Variants in PCNX2 observed in about 807,000 individuals in gnomAD.
PCNX2 encodes pecanex 2.
PCNX2 carries 168 observed loss-of-function variants against 223.8 expected under a neutral mutation model. The observed-to-expected ratio is 0.75, with a 90% confidence interval of 0.66 to 0.85. The LOEUF is 0.85. Ranked by LOEUF, PCNX2 falls within the 40% of genes least tolerant of loss-of-function variation. The probability of loss-of-function intolerance (pLI) is 0.00; values close to 1 mark genes in which losing one functional copy is unlikely to be tolerated. For missense variants in PCNX2, 2,507 were observed against 2,675.5 expected (o/e 0.94, Z 1.39); for synonymous variants, 1,006 against 1,052.6 (o/e 0.96, Z 0.86).
At position 232,986,246 on chromosome 1, in the gene PCNX2, A is replaced by T; in HGVS notation, c.6086T>A (p.Leu2029Gln). The T allele has an allele frequency of 6.4e-7, 1 of 1,560,894 alleles. No homozygotes were observed. The highest frequency in any genetic ancestry group is 1.2e-5 in the South Asian group (1 of 84,694). Reference protein sequence around the residue: ...SSLGSSTSSTLSFLFGKRSFS... With the variant: ...SSLGSSTSSTQSFLFGKRSFS... Reference sequence around the variant, plus strand: ...GCTCCTCTTGCCGAAGAGGAAGCTCAGGGTGGAGCTGGTGGAGGAGCCCAG... The same window carrying T: ...GCTCCTCTTGCCGAAGAGGAAGCTCTGGGTGGAGCTGGTGGAGGAGCCCAG... Residue 2029 changes from leucine (L) to glutamine (Q), a missense_variant, in exon 33 of 34, where the codon CTG (leucine) becomes CAG (glutamine). Leu to Gln is a moderately radical substitution (Grantham distance 113). Transcript: ENST00000258229.
At chr1:233,002,480 C>T (rs1046107987) in intron 28 of PCNX2, among the ~76,000 whole-genome samples, 1 of 152,134 alleles carries the variant, frequency 6.6e-6, no homozygotes, top group Admixed American at 6.5e-5. Context: ...AGGAGAACTA[C>T]AAACCACTGC....
intron 21 of PCNX2, among the ~76,000 whole-genome samples, chr1:233,123,396 A>G (rs1422529000): frequency 6.6e-6 from 1 of 152,138 alleles, no homozygotes; most frequent in Non-Finnish European, 1.5e-5. Flanking sequence ...CCTGGCCAAC[A>G]TGGTGAAACC....
chr1:233,291,381 G>A (rs547628444), intron 1 of PCNX2, among the ~76,000 whole-genome samples: 4 of 152,220 alleles, frequency 2.6e-5, no homozygotes, highest in East Asian at 1.9e-4. Context: ...AGGCCAAGGC[G>A]GGCGGATCAC....
At position 233,200,063 on chromosome 1, in the gene PCNX2, T is replaced by C. The variant is rs566561504; in HGVS notation, c.2974+91A>G. ...TTAAATGCTCAGGACAAAGAAAACC[T>C]AACTAGCCTCTCATCTCCTGCCTAA... On this transcript the variant is annotated intron_variant, in intron 14 of 33. Transcript: ENST00000258229. The C allele has an allele frequency of 2.1e-5, 22 of 1,052,814 alleles. No individual in the cohort carries two copies. The African/African-American group carries it at 3.1e-4, about 15-fold the overall frequency. The allele number at this position is 1,052,814 out of a possible 1,614,324, so 65.2% of individuals were successfully genotyped here.
intron 10 of PCNX2, among the ~76,000 whole-genome samples, chr1:233,225,893 G>C (rs1657682280): frequency 6.6e-6 from 1 of 152,176 alleles, no homozygotes; most frequent in Non-Finnish European, 1.5e-5. Flanking sequence ...ACATAGTGTT[G>C]TTAGGAAAAC....
intron 27 of PCNX2, among the ~76,000 whole-genome samples, chr1:233,015,286 C>T (rs1670612418): frequency 2.0e-5 from 3 of 152,148 alleles, no homozygotes; most frequent in Admixed American, 1.3e-4. Context: ...GGCATGGTGG[C>T]TCATAACTGT....
At chr1:233,226,576 A>G (rs754049014) in intron 10 of PCNX2, among the ~76,000 whole-genome samples, 13 of 152,108 alleles carry the variant, frequency 8.5e-5, no homozygotes, top group Non-Finnish European at 1.8e-4. Flanking sequence ...AGCCTCCATC[A>G]TGTTTTAACT....
chr1:233,289,983 T>G (rs1572212022), intron 1 of PCNX2, among the ~76,000 whole-genome samples: 1 of 152,176 alleles, frequency 6.6e-6, no homozygotes, highest in East Asian at 1.9e-4. Context: ...TAAGTCATCT[T>G]ATATGTTAAA....
chr1:233,268,617 T>C (rs1365455869), intron 1 of PCNX2, among the ~76,000 whole-genome samples: 2 of 152,180 alleles, frequency 1.3e-5, no homozygotes, highest in African/African-American at 4.8e-5. Flanking sequence ...TCCTCCTTTC[T>C]GGAAGTTACC....
chr1:233,228,256 C>T (rs1657862678), intron 9 of PCNX2, among the ~76,000 whole-genome samples: 1 of 152,160 alleles, frequency 6.6e-6, no homozygotes, highest in South Asian at 2.1e-4. Flanking sequence ...CATTGTTTGA[C>T]CGTTTGCTTG....
chr1:233,131,143 T>C (rs1254859943), intron 21 of PCNX2, among the ~76,000 whole-genome samples: 3 of 152,188 alleles, frequency 2.0e-5, no homozygotes, highest in Non-Finnish European at 4.4e-5. Context: ...TGAGGGGGGC[T>C]GCCAGGCTAA....
rs1359449570 is a variant in PCNX2 at position 233,258,366 on chromosome 1, T to A, written c.1496A>T (p.Asp499Val). The A allele has an allele frequency of 6.2e-7, 1 of 1,613,952 alleles. No homozygotes were observed. The highest frequency in any genetic ancestry group is 1.3e-5 in the African/African-American group (1 of 75,020). Residue 499 changes from aspartate (D) to valine (V), a missense_variant, in exon 5 of 34, where the codon GAT (aspartate) becomes GTT (valine). Coordinates refer to ENST00000258229, the MANE Select transcript of PCNX2 (RefSeq NM_014801.4). Reference sequence around the variant, plus strand: ...CCCCACCTTAGACTCGGAGCCTGTATCAGGTGTAAGCCGGGACACCGATTC... The same window carrying A: ...CCCCACCTTAGACTCGGAGCCTGTAACAGGTGTAAGCCGGGACACCGATTC... Reference protein sequence around the residue: ...PWESVSRLTPDTGSESKVGKE... With the variant: ...PWESVSRLTPVTGSESKVGKE...
chr1:233,095,853 A>G lies in PCNX2; in HGVS notation c.3848T>C (p.Leu1283Pro). ...CAGGACGAACTGTAACTTGTGAAGC[A>G]GGTCCCCGAGCTGAAAGTAAAAGAA... ...VSILFSKLGDLLHKLQFVLTY... is the reference protein window; with the variant it reads ...VSILFSKLGDPLHKLQFVLTY... Residue 1283 changes from leucine (L) to proline (P), a missense_variant, in exon 22 of 34, where the codon CTG becomes CCG. Leu to Pro is a moderately conservative substitution (Grantham distance 98). Transcript: ENST00000258229. 6.2e-7 allele frequency: 1 copy of G among 1,609,472 alleles called. No individual in the cohort carries two copies.
intron 1 of PCNX2, among the ~76,000 whole-genome samples, chr1:233,275,739 A>G (rs1214046273): frequency 6.6e-6 from 1 of 152,092 alleles, no homozygotes; most frequent in East Asian, 1.9e-4. Flanking sequence ...TTTATAATAG[A>G]CAAGGGGTGA....
chr1:233,137,325 G>C (rs534516099), intron 20 of PCNX2, among the ~76,000 whole-genome samples: 2 of 152,216 alleles, frequency 1.3e-5, no homozygotes, highest in African/African-American at 4.8e-5. Context: ...TGTGTTCTGC[G>C]ATGGGAGGCA....
intron 14 of PCNX2, 113 bp from the exon 15 acceptor site, chr1:233,199,143 G>C: frequency 1.1e-6 from 1 of 928,514 alleles, no homozygotes; most frequent in South Asian, 1.7e-5. Flanking sequence ...TGCTGAAGGG[G>C]TAAATAATAC....
At chr1:233,067,480 A>G (rs1317713885) in intron 23 of PCNX2, among the ~76,000 whole-genome samples, 1 of 149,398 alleles carries the variant, frequency 6.7e-6, no homozygotes, top group East Asian at 2.0e-4. Flanking sequence ...TACAGTAACT[A>G]ATTTTTTTTT....
At chr1:233,054,804 GTTA>G (rs1672131929) in intron 24 of PCNX2, 1 of 163,912 alleles carries the variant, frequency 6.1e-6, no homozygotes, top group African/African-American at 2.4e-5. Context: ...TAACATATAA[GTTA>G]TTATACTATA....
intron 23 of PCNX2, among the ~76,000 whole-genome samples, chr1:233,062,790 A>G (rs1672451962): frequency 6.6e-6 from 1 of 152,260 alleles, no homozygotes; most frequent in Non-Finnish European, 1.5e-5. Context: ...ATTACACTAT[A>G]GTCTGATTAT....
Sources: gnomAD v4.1 joint callset for allele counts (sites outside exome capture counted in the v4.1 genomes callset) on GRCh38, gnomAD v4.1.1 for gene constraint, MANE v1.5 for transcripts, NCBI Gene and HGNC (gene_info 2026-07-23, HGNC 2026-07-21) for gene names.